SEPTIN12: variants seen among roughly 807,000 people sequenced by gnomAD.
The protein encoded by SEPTIN12 is septin-12.
Under a neutral mutation model 37.7 loss-of-function variants are expected in SEPTIN12, and 42 were observed. The observed-to-expected ratio is 1.11, with a 90% CI of 0.87 to 1.44. The LOEUF is 1.44. SEPTIN12 is among the 40% of genes most tolerant of loss of function. SEPTIN12 has a pLI of 0.00. For synonymous variants in SEPTIN12, 254 were observed against 196.7 expected (o/e 1.29, Z -2.44); for missense variants, 613 against 479.2 (o/e 1.28, Z -2.61).
chr16:4,779,944 C>G (rs2141866008), intron 7 of SEPTIN12, among the ~76,000 whole-genome samples, 158 bp from the exon 8 acceptor site: 1 of 152,084 alleles, frequency 6.6e-6, no homozygotes. Context: ...GACATAAAGT[C>G]TAATTGGTGC....
rs531795173 is a variant in SEPTIN12 at position 4,787,616 on chromosome 16, G to A, written c.30C>T (p.Pro10=). Residue 10 remains proline (P), a synonymous_variant, in exon 2 of 10, where the codon CCC becomes CCT. Transcript: ENST00000268231. Reference sequence around the variant, plus strand: ...GGCTGGAGGGCTGCGAGGACAGGCAGGGAGAGGGGGAGCGCCTCAGGGGGT... The same window carrying A: ...GGCTGGAGGGCTGCGAGGACAGGCAAGGAGAGGGGGAGCGCCTCAGGGGGT... MDPLRRSPS[P]CLSSQPSSPS... is the part of the protein sequence containing the mutation. 6 of 1,600,362 alleles carry A rather than the reference G, an allele frequency of 3.7e-6. No individual in the cohort carries two copies. The highest frequency in any genetic ancestry group is 1.7e-4 in the Middle Eastern group (1 of 6,054).
In SEPTIN12 at chr16:4,783,493, A is replaced by G; in HGVS notation, c.695T>C (p.Ile232Thr). 6.2e-7 allele frequency: 1 copy of G among 1,614,078 alleles called. No homozygotes were observed. The highest frequency in any genetic ancestry group is 8.5e-7 in the Non-Finnish European group (1 of 1,180,018). The change falls in exon 7 of 10, where the codon ATC becomes ACC. Residue 232 changes from isoleucine (I) to threonine (T), a missense_variant. By Grantham distance (89) the Ile-to-Thr change is moderately conservative (BLOSUM62 -1). Transcript: ENST00000268231. ...VYPQMCFDED[I>T]NDKILNSKLR... ...CTTGCTGTTGAGGATTTTGTCATTG[A>G]TGTCCTCGTCAAAGCACATCTGGGG...
chr16:4,785,692 C>T (rs897983017), intron 4 of SEPTIN12, 115 bp downstream of exon 4: 2 of 731,244 alleles, frequency 2.7e-6, no homozygotes, highest in Non-Finnish European at 4.7e-6. Flanking sequence ...GCAGGAGAAT[C>T]ACTTGAACCT....
chr16:4,786,205 A>C (rs2082441995), intron 2 of SEPTIN12, 100 bp from the exon 3 acceptor site: 17 of 1,431,068 alleles, frequency 1.2e-5, no homozygotes, highest in Non-Finnish European at 1.6e-5. Context: ...ACAGGTTCTC[A>C]CTCTGTCACC....
At chr16:4,783,170 A>G (rs2082391120) in intron 7 of SEPTIN12, 3 of 378,466 alleles carry the variant, frequency 7.9e-6, no homozygotes, top group East Asian at 1.1e-4. Context: ...CGGCCTCCCA[A>G]ACTGCTGGGA....
At chr16:4,787,001 A>G (rs886241596) in intron 2 of SEPTIN12, among the ~76,000 whole-genome samples, 2 of 151,800 alleles carry the variant, frequency 1.3e-5, no homozygotes, top group Non-Finnish European at 2.9e-5. Context: ...TAGCCTCCTA[A>G]GTAGCTCCTA....
chr16:4,784,921 C>T (rs1330252088), intron 4 of SEPTIN12, among the ~76,000 whole-genome samples: 1 of 151,948 alleles, frequency 6.6e-6, no homozygotes, highest in African/African-American at 2.4e-5. Flanking sequence ...ACCAGCCTGG[C>T]CAACATGGGG....
chr16:4,786,042 G>C lies in SEPTIN12; in HGVS notation c.230C>G (p.Ser77Ter), dbSNP rs531128864. ...GGGCACCCCCAAGCCCGGTGGGTTT[G>C]ACTTCCACACTTTGGACTTGAACAG... ...NTLFKSKVWKSNPPGLGVPTP... is the reference protein window; with the variant it reads ...NTLFKSKVWK Residue 77 changes from serine (S) to a stop codon, truncating the protein, a stop_gained, in exon 3 of 10, where the codon TCA (serine) becomes TGA (stop). Transcript: ENST00000268231. LOFTEE classifies it high-confidence loss of function. 1.9e-6 allele frequency: 3 copies of C among 1,614,066 alleles called. No homozygotes were observed. Among genetic ancestry groups the C allele is most frequent in the South Asian group, 1.1e-5 (1 of 91,056 alleles).
chr16:4,788,024 T>C, intron 1 of SEPTIN12: 1 of 215,888 alleles, frequency 4.6e-6, no homozygotes, highest in Non-Finnish European at 9.3e-6. Context: ...CTGGAGGGGC[T>C]TCAGGGAGTG....
At position 4,783,567 on chromosome 16, in the gene SEPTIN12, C is replaced by T; in HGVS notation, c.631-10G>A. 6.2e-7 allele frequency: 1 copy of T among 1,613,532 alleles called. No individual in the cohort carries two copies. ...TCAGGTTCTGCTGGATCTGGAGATC[C>T]CACACAGGTGACCTCAGCCCACCCT... On this transcript the variant is annotated splice_polypyrimidine_tract_variant and intron_variant, in intron 6 of 9. Transcript: ENST00000268231.
chr16:4,778,835 A>T (rs925645415), intron 8 of SEPTIN12, among the ~76,000 whole-genome samples: 1 of 150,310 alleles, frequency 6.7e-6, no homozygotes, highest in African/African-American at 2.4e-5. Context: ...AATATTTCTA[A>T]TAATTATAAT....
chr16:4,785,944 C>T (rs1298775306), intron 3 of SEPTIN12, 36 bp downstream of exon 3: 2 of 1,379,892 alleles, frequency 1.4e-6, no homozygotes, highest in Non-Finnish European at 2.0e-6. Context: ...TGGGGTGGGG[C>T]AGGGTGGGGT....
At chr16:4,785,918 C>A (rs1188641074) in intron 3 of SEPTIN12, 30 bp from the exon 4 acceptor site, 1 of 1,282,414 alleles carries the variant, frequency 7.8e-7, no homozygotes, top group Non-Finnish European at 1.1e-6. Context: ...TCGGGAGAGA[C>A]TGGACCCAGG....
chr16:4,784,157 C>T (rs766630987), intron 4 of SEPTIN12, 89 bp from the exon 5 acceptor site: 5 of 1,512,352 alleles, frequency 3.3e-6, no homozygotes, highest in Non-Finnish European at 4.5e-6. Flanking sequence ...GCGGTCCTCC[C>T]TTGGGACGAC....
At chr16:4,790,798 A>G (rs1219798490), upstream of SEPTIN12, among the ~76,000 whole-genome samples, 1 of 152,220 alleles carries the variant, frequency 6.6e-6, no homozygotes, top group African/African-American at 2.4e-5. Context: ...CAGTAAATAA[A>G]TAAATAAATA....
rs139952475 is a variant in SEPTIN12, at chr16:4,779,254, C to A, written c.823+436G>T. 7.3e-3 allele frequency among the ~76,000 whole-genome samples: 1,106 copies of A among 152,036 alleles called. 16 individuals are homozygous for A. Among genetic ancestry groups the A allele is most frequent in the African/African-American group, 0.025 (1,038 of 41,552 alleles). On this transcript the variant is annotated intron_variant, in intron 8 of 9. Coordinates refer to ENST00000268231, the MANE Select transcript of SEPTIN12 (RefSeq NM_144605.5). Reference sequence around the variant, plus strand: ...TCTCCTCTCCCTCCCGCCACAATCGCCTTCACTGTGCCTCCCCGACCTGTC... The same window carrying A: ...TCTCCTCTCCCTCCCGCCACAATCGACTTCACTGTGCCTCCCCGACCTGTC...
At chr16:4,781,118 G>T (rs1273377264) in intron 7 of SEPTIN12, among the ~76,000 whole-genome samples, 1 of 151,864 alleles carries the variant, frequency 6.6e-6, no homozygotes, top group Non-Finnish European at 1.5e-5. Flanking sequence ...AATTAGCCAG[G>T]CGTGGTATTG....
In SEPTIN12 at chr16:4,786,083, G is replaced by A; in HGVS notation, c.189C>T (p.Ser63=). 1.2e-6 allele frequency: 2 copies of A among 1,612,126 alleles called. No individual in the cohort carries two copies. Among genetic ancestry groups the A allele is most frequent in the Non-Finnish European group, 1.7e-6 (2 of 1,178,698 alleles). The change falls in exon 3 of 10, where the codon TCC becomes TCT. Residue 63 remains serine (S), a synonymous_variant. Transcript: ENST00000268231. ...ACTTGAACAGCGTGTTCACCATCGT[G>A]GACTTGCCCAGCCCGCTTTGCCCTG... ...MVVGQSGLGK[S]TMVNTLFKSK...
upstream of SEPTIN12, among the ~76,000 whole-genome samples, chr16:4,789,085 C>T (rs1317178159): frequency 6.6e-6 from 1 of 152,220 alleles, no homozygotes; most frequent in African/African-American, 2.4e-5. Flanking sequence ...GTGGCGCGAT[C>T]TCGGCTCACT....
Sources: allele counts gnomAD v4.1 joint callset (sites outside exome capture counted in the v4.1 genomes callset), GRCh38; gene constraint gnomAD v4.1.1; transcripts MANE v1.5; gene names NCBI Gene and HGNC (gene_info 2026-07-23, HGNC 2026-07-21).